ULK4: variants seen among roughly 807,000 people sequenced by gnomAD.
ULK4 encodes inactive serine/threonine-protein kinase ULK4.
Under a neutral mutation model 160.6 loss-of-function variants are expected in ULK4, and 133 were observed. The observed-to-expected ratio is 0.83, with a 90% CI of 0.72 to 0.96. The LOEUF (loss-of-function observed/expected upper bound fraction) is 0.96. ULK4 is among the 40% of genes least tolerant of loss of function. ULK4 has a pLI of 0.00. For missense variants in ULK4, 1,580 were observed against 1,499.5 expected (o/e 1.05, Z -0.89); for synonymous variants, 534 against 539.8 (o/e 0.99, Z 0.15).
chr3:41,668,630 GTACTCC>G (rs1169185404), intron 29 of ULK4, among the ~76,000 whole-genome samples: 3 of 152,152 alleles, frequency 2.0e-5, no homozygotes, highest in Non-Finnish European at 4.4e-5. Context: ...TTCTCAGAAG[GTACTCC>G]CACATGGCAC....
chr3:41,754,583 G>A, intron 21 of ULK4, 95 bp from the exon 22 acceptor site: 2 of 1,168,296 alleles, frequency 1.7e-6, no homozygotes, highest in East Asian at 2.7e-5. Context: ...TCAAGCAGAT[G>A]GCAGGAAGTA....
chr3:41,253,987 C>T (rs182599034), intron 35 of ULK4, among the ~76,000 whole-genome samples: 131 of 152,250 alleles, frequency 8.6e-4, no homozygotes, highest in African/African-American at 3.1e-3. Flanking sequence ...AGAAATTACA[C>T]ATACAGAAAG....
At chr3:41,310,282 G>A (rs1416018104) in intron 35 of ULK4, among the ~76,000 whole-genome samples, 1 of 152,002 alleles carries the variant, frequency 6.6e-6, no homozygotes, top group East Asian at 1.9e-4. Flanking sequence ...CCAATCTGTG[G>A]GCCACTCTTT....
intron 32 of ULK4, among the ~76,000 whole-genome samples, chr3:41,540,745 T>C (rs922469833): frequency 2.6e-5 from 4 of 152,236 alleles, no homozygotes; most frequent in Non-Finnish European, 4.4e-5. Context: ...TGGTGTAAGA[T>C]GGTATCTCAT....
At chr3:41,690,253 G>GAC (rs2036247499) in intron 27 of ULK4, among the ~76,000 whole-genome samples, 1 of 151,060 alleles carries the variant, frequency 6.6e-6, no homozygotes, top group Non-Finnish European at 1.5e-5. Context: ...AGAACACATG[G>GAC]ACACAGGAAG....
chr3:41,756,442 T>A (rs914384894), intron 21 of ULK4, among the ~76,000 whole-genome samples: 3 of 152,222 alleles, frequency 2.0e-5, no homozygotes, highest in Non-Finnish European at 4.4e-5. Flanking sequence ...AGGTTCTTCA[T>A]GGTCTGGCTT....
rs542470654 is a variant in ULK4 at position 41,546,211 on chromosome 3, CCTT to C, written c.3226+19811_3226+19813del. Among the ~76,000 whole-genome samples the C allele has an allele frequency of 7.9e-5, 12 of 151,824 alleles. No homozygotes were observed. In the East Asian group the frequency reaches 2.3e-3, roughly 29 times the overall value. On this transcript the variant is annotated intron_variant, in intron 32 of 36. Coordinates refer to ENST00000301831, the MANE Select transcript of ULK4 (RefSeq NM_017886.4). ...GTTGTGGGGAATCTGGATTATGCCA[CCTT>C]CTTTTTAGTGCTACTGATTTTTGTT... is the stretch of plus-strand genomic sequence containing the variant.
At chr3:41,418,158 G>T (rs1462051168) in intron 34 of ULK4, among the ~76,000 whole-genome samples, 1 of 152,040 alleles carries the variant, frequency 6.6e-6, no homozygotes, top group Non-Finnish European at 1.5e-5. Context: ...AGGGTTAGGA[G>T]CATTAACCCT....
chr3:41,951,735 T>C (rs1251516153), intron 2 of ULK4, among the ~76,000 whole-genome samples: 1 of 152,208 alleles, frequency 6.6e-6, no homozygotes, highest in African/African-American at 2.4e-5. Flanking sequence ...GTGGTGGTAT[T>C]AGGAGGTGGA....
intron 22 of ULK4, among the ~76,000 whole-genome samples, chr3:41,742,629 C>T (rs1032326611): frequency 5.3e-5 from 8 of 151,936 alleles, no homozygotes; most frequent in African/African-American, 1.9e-4. Flanking sequence ...AGACCATCAA[C>T]ACATACTACA....
At chr3:41,918,861 A>C (rs933304302) in intron 6 of ULK4, among the ~76,000 whole-genome samples, 1 of 152,156 alleles carries the variant, frequency 6.6e-6, no homozygotes, top group Non-Finnish European at 1.5e-5. Flanking sequence ...TCGATCTCCC[A>C]AAGTGCTGGG....
At chr3:41,345,521 GA>G (rs1353602133) in intron 35 of ULK4, among the ~76,000 whole-genome samples, 1 of 152,200 alleles carries the variant, frequency 6.6e-6, no homozygotes, top group Non-Finnish European at 1.5e-5. Context: ...AACTAATGCA[GA>G]AAGAGAAAAC....
intron 25 of ULK4, among the ~76,000 whole-genome samples, chr3:41,711,009 A>G (rs531009760): frequency 1.3e-5 from 2 of 152,268 alleles, no homozygotes; most frequent in East Asian, 3.9e-4. Context: ...GGATGCTGAC[A>G]GTAAGGTCAA....
chr3:41,762,655 C>CGTTTTT (rs538388454), intron 21 of ULK4, among the ~76,000 whole-genome samples: 1 of 89,002 alleles, frequency 1.1e-5, no homozygotes, highest in African/African-American at 4.5e-5. Flanking sequence ...AAGTGTTACA[C>CGTTTTT]TTTTTTTTTT....
intron 17 of ULK4, among the ~76,000 whole-genome samples, chr3:41,870,188 T>G (rs1270171882): frequency 1.3e-5 from 2 of 152,228 alleles, no homozygotes; most frequent in African/African-American, 2.4e-5. Context: ...GATGTAGTCC[T>G]CTTTAGATTA....
intron 31 of ULK4, among the ~76,000 whole-genome samples, chr3:41,607,400 AT>A (rs2032432776): frequency 6.6e-6 from 1 of 152,182 alleles, no homozygotes; most frequent in Non-Finnish European, 1.5e-5. Context: ...AAAAACAATG[AT>A]AAATTTGACT....
chr3:41,773,217 C>T (rs1027725337), intron 21 of ULK4, among the ~76,000 whole-genome samples: 3 of 152,114 alleles, frequency 2.0e-5, no homozygotes, highest in Admixed American at 2.0e-4. Context: ...GAAGTTCTGG[C>T]CAGGGCAATC....
intron 35 of ULK4, among the ~76,000 whole-genome samples, chr3:41,339,312 C>T (rs935241902): frequency 2.6e-5 from 4 of 152,124 alleles, no homozygotes; most frequent in African/African-American, 9.7e-5. Context: ...CAGAGAGCTG[C>T]CACTACCTGG....
chr3:41,273,940 G>T (rs2079184226), intron 35 of ULK4, among the ~76,000 whole-genome samples: 1 of 152,098 alleles, frequency 6.6e-6, no homozygotes, highest in Non-Finnish European at 1.5e-5. Flanking sequence ...CACACCAGAA[G>T]CCAGGCCATG....
Sources: gnomAD v4.1 joint callset for allele counts (sites outside exome capture counted in the v4.1 genomes callset) on GRCh38, gnomAD v4.1.1 for gene constraint, MANE v1.5 for transcripts, NCBI Gene and HGNC (gene_info 2026-07-23, HGNC 2026-07-21) for gene names.